The following MKRN2 variants were observed in gnomAD, a reference collection of about 807,000 sequenced individuals.
MKRN2 encodes makorin ring finger protein 2.
Under a neutral mutation model 45.4 loss-of-function variants are expected in MKRN2, and 32 were observed. That is an observed-to-expected ratio of 0.70 (90% confidence interval 0.53 to 0.95). MKRN2 has a LOEUF of 0.95. MKRN2 is among the 40% of genes least tolerant of loss of function. The pLI is 0.00. For synonymous variants in MKRN2, 206 were observed against 192.4 expected, an observed-to-expected ratio of 1.07 and a Z score of -0.59; for missense variants, 526 against 536.7, an observed-to-expected ratio of 0.98 and a Z score of 0.20.
chr3:12,578,420 A>G (rs888468907), intron 6 of MKRN2, among the ~76,000 whole-genome samples: 1 of 146,282 alleles, frequency 6.8e-6, no homozygotes, highest in African/African-American at 2.5e-5. Context: ...TTCCAGGTTC[A>G]AGCACTTCTG....
At position 12,557,131 on chromosome 3, in the gene MKRN2, G is replaced by A. The variant is rs1303275701; in HGVS notation, c.-20G>A. On this transcript the variant is annotated 5_prime_UTR_variant, in exon 1 of 8. Coordinates refer to ENST00000170447, the MANE Select transcript of MKRN2 (RefSeq NM_014160.5). ...CTGCGAGAGGCGGCGGCACGACGAC[G>A]GTCCCTCAGCCCAGCCACCATGAGC... 4 of 1,493,040 alleles carry A rather than the reference G, an allele frequency of 2.7e-6. No individual in the cohort carries two copies. The highest frequency in any genetic ancestry group is 2.9e-5 in the African/African-American group (2 of 68,638). The allele number at this position is 1,493,040 out of a possible 1,614,324, so 92.5% of individuals were successfully genotyped here.
rs2058084425 is a variant in MKRN2 at position 12,569,101 on chromosome 3, C to T, written c.155+98C>T. ...TTTTAATGTAAAAGTAATATGGCAACATCACAAAAAGTATGGCAAATAAGT... is the reference window on the plus strand; with the variant it reads ...TTTTAATGTAAAAGTAATATGGCAATATCACAAAAAGTATGGCAAATAAGT... On this transcript the variant is annotated intron_variant, in intron 2 of 7. Coordinates refer to ENST00000170447, the MANE Select transcript of MKRN2 (RefSeq NM_014160.5). 17 of 1,380,914 alleles carry T rather than the reference C, an allele frequency of 1.2e-5. No homozygotes were observed. The South Asian group carries it at 1.9e-4, about 16-fold the overall frequency. 85.5% of individuals were successfully genotyped at this position (1,380,914 alleles called of 1,614,324 possible). A position where few individuals can be genotyped will look rare whatever the true frequency, so the allele number is the denominator to read the frequency against.
chr3:12,560,370 G>A (rs1435193423), intron 1 of MKRN2, among the ~76,000 whole-genome samples: 1 of 151,272 alleles, frequency 6.6e-6, no homozygotes, highest in Admixed American at 6.6e-5. Flanking sequence ...TACATTTATT[G>A]CAAGCCTGCC....
chr3:12,581,589 G>C (rs1308703059), intron 6 of MKRN2, among the ~76,000 whole-genome samples: 2 of 152,190 alleles, frequency 1.3e-5, no homozygotes, highest in Non-Finnish European at 2.9e-5. Flanking sequence ...AAGGCTGCAG[G>C]TAAGTGGGGA....
Position 12,568,205 on chromosome 3 carries a change from T to C in MKRN2, c.27-670T>C, listed in dbSNP as rs142406798. Reference sequence around the variant, plus strand: ...GCCCAGGCTGAGCTAGGAGAATCGCTTGAACCCGGAAGGCAGAGGTTGCAG... The same window carrying C: ...GCCCAGGCTGAGCTAGGAGAATCGCCTGAACCCGGAAGGCAGAGGTTGCAG... On this transcript the variant is annotated intron_variant, in intron 1 of 7. Coordinates refer to ENST00000170447, the MANE Select transcript of MKRN2 (RefSeq NM_014160.5). 5.1e-3 allele frequency among the ~76,000 whole-genome samples: 773 copies of C among 152,334 alleles called. 4 individuals are homozygous for C. Among genetic ancestry groups the C allele is most frequent in the African/African-American group, 0.017 (726 of 41,590 alleles).
At chr3:12,578,676 A>G (rs1314439319) in intron 6 of MKRN2, among the ~76,000 whole-genome samples, 1 of 152,088 alleles carries the variant, frequency 6.6e-6, no homozygotes, top group East Asian at 1.9e-4. Context: ...TTACTCCTCC[A>G]AAGAATCTAA....
chr3:12,574,454 A>G (rs2058118693), intron 4 of MKRN2, among the ~76,000 whole-genome samples: 1 of 152,370 alleles, frequency 6.6e-6, no homozygotes, highest in Admixed American at 6.5e-5. Context: ...AACAGTGCCC[A>G]GAGGAGCTGG....
chr3:12,570,847 C>T (rs2058093802), intron 3 of MKRN2, among the ~76,000 whole-genome samples: 2 of 145,088 alleles, frequency 1.4e-5, no homozygotes, highest in South Asian at 4.3e-4. Context: ...CACGCCACTG[C>T]ACTCCAGCCT....
chr3:12,568,986 C>G lies in MKRN2; in HGVS notation c.138C>G (p.Ala46=). The G allele has an allele frequency of 6.2e-7, 1 of 1,613,966 alleles. No homozygotes were observed. ...AGTACTACCAGAAGGGCTACTGTGC[C>G]TATGGAACTCGGTGCAGGCAAGGAC... ...ICKYYQKGYC[A]YGTRCRYDHT... is the part of the protein sequence containing the mutation. Residue 46 remains alanine (A), a synonymous_variant, in exon 2 of 8, where the codon GCC becomes GCG. Transcript: ENST00000170447.
intron 4 of MKRN2, among the ~76,000 whole-genome samples, chr3:12,574,338 T>C (rs768878974): frequency 7.9e-5 from 12 of 152,344 alleles, no homozygotes; most frequent in Admixed American, 2.0e-4. Flanking sequence ...AATCATTTTC[T>C]TGGGGAGAAG....
chr3:12,561,906 A>T (rs2058039131), intron 1 of MKRN2, among the ~76,000 whole-genome samples: 1 of 152,028 alleles, frequency 6.6e-6, no homozygotes, highest in Non-Finnish European at 1.5e-5. Flanking sequence ...TGTGTTTGGG[A>T]TCTCCAAGAC....
At chr3:12,573,437 G>A (rs1200306810) in intron 4 of MKRN2, among the ~76,000 whole-genome samples, 1 of 152,032 alleles carries the variant, frequency 6.6e-6, no homozygotes, top group Non-Finnish European at 1.5e-5. Flanking sequence ...GCAGGACTGA[G>A]GTGGGAGGAT....
chr3:12,570,356 T>G (rs914461395), intron 3 of MKRN2, 104 bp downstream of exon 3: 1 of 1,151,052 alleles, frequency 8.7e-7, no homozygotes, highest in African/African-American at 1.6e-5. Flanking sequence ...CCTAACCTAA[T>G]ACACCTCCAG....
At chr3:12,565,350 C>T (rs2058063167) in intron 1 of MKRN2, among the ~76,000 whole-genome samples, 1 of 152,036 alleles carries the variant, frequency 6.6e-6, no homozygotes, top group Non-Finnish European at 1.5e-5. Context: ...TTTCTATGAA[C>T]TGGATGTTAG....
chr3:12,560,478 T>TAGA (rs1553607586), intron 1 of MKRN2, among the ~76,000 whole-genome samples: 1 of 124,970 alleles, frequency 8.0e-6, no homozygotes, highest in Non-Finnish European at 1.7e-5. Flanking sequence ...TAGGAAAATG[T>TAGA]AAAAAAAAAA....
chr3:12,579,729 G>T (rs2058165608), intron 6 of MKRN2, among the ~76,000 whole-genome samples: 1 of 152,156 alleles, frequency 6.6e-6, no homozygotes, highest in Admixed American at 6.5e-5. Context: ...CATTGAAACA[G>T]GTGTGTAGAA....
chr3:12,566,584 T>G (rs903638125), intron 1 of MKRN2, among the ~76,000 whole-genome samples: 1 of 152,176 alleles, frequency 6.6e-6, no homozygotes, highest in Non-Finnish European at 1.5e-5. Flanking sequence ...TTTTCACTTC[T>G]AGAAGTTTCA....
At chr3:12,567,096 T>C (rs1480494958) in intron 1 of MKRN2, among the ~76,000 whole-genome samples, 1 of 152,214 alleles carries the variant, frequency 6.6e-6, no homozygotes, top group East Asian at 1.9e-4. Flanking sequence ...TTGGCATATC[T>C]AGTAATTTAT....
At chr3:12,580,793 C>G (rs920426427) in intron 6 of MKRN2, among the ~76,000 whole-genome samples, 1 of 152,204 alleles carries the variant, frequency 6.6e-6, no homozygotes, top group South Asian at 2.1e-4. Flanking sequence ...TGAAGCCGTC[C>G]TCAGAGAACT....
Sources: allele counts gnomAD v4.1 joint callset (sites outside exome capture counted in the v4.1 genomes callset), GRCh38; gene constraint gnomAD v4.1.1; transcripts MANE v1.5; gene names NCBI Gene and HGNC (gene_info 2026-07-23, HGNC 2026-07-21).